Variants in TTC29 observed in about 807,000 individuals in gnomAD.
The protein encoded by TTC29 is tetratricopeptide repeat protein 29.
Under a neutral mutation model 58.1 loss-of-function variants are expected in TTC29, and 49 were observed. The ratio of observed to expected loss-of-function variants is 0.84; its 90% CI spans 0.67 to 1.07. TTC29 has a LOEUF of 1.07. Ranked by LOEUF, TTC29 falls within the 50% of genes least tolerant of loss-of-function variation. The pLI, the probability that TTC29 is intolerant of heterozygous loss-of-function variation, is 0.00. For missense variants in TTC29, 582 were observed against 555.6 expected (o/e 1.05, Z -0.48); for synonymous variants, 209 against 196.8 (o/e 1.06, Z -0.52).
At chr4:146,897,574 CA>C in intron 6 of TTC29, among the ~76,000 whole-genome samples, 1 of 152,328 alleles carries the variant, frequency 6.6e-6, no homozygotes, top group East Asian at 1.9e-4. Flanking sequence ...GATGTTACAT[CA>C]AATCATGAAT....
At chr4:146,770,537 T>G (rs1021288280) in intron 11 of TTC29, among the ~76,000 whole-genome samples, 8 of 151,918 alleles carry the variant, frequency 5.3e-5, no homozygotes, top group African/African-American at 1.9e-4. Flanking sequence ...TTAACAAAAA[T>G]ACACTCAACT....
chr4:146,732,782 G>A (rs1212524836), intron 11 of TTC29, among the ~76,000 whole-genome samples: 1 of 152,124 alleles, frequency 6.6e-6, no homozygotes, highest in Non-Finnish European at 1.5e-5. Flanking sequence ...GGAAGACAGT[G>A]AGGCAGATAA....
chr4:146,735,559 C>A (rs1432869516), intron 11 of TTC29, among the ~76,000 whole-genome samples: 3 of 152,096 alleles, frequency 2.0e-5, no homozygotes, highest in Non-Finnish European at 4.4e-5. Flanking sequence ...CAGTGTAAGT[C>A]TTTTTACCCT....
At chr4:146,755,076 G>T (rs757648542) in intron 11 of TTC29, among the ~76,000 whole-genome samples, 5 of 151,838 alleles carry the variant, frequency 3.3e-5, no homozygotes, top group Non-Finnish European at 7.4e-5. Flanking sequence ...CAATATCATA[G>T]GATTTCTATA....
intron 8 of TTC29, among the ~76,000 whole-genome samples, chr4:146,848,538 A>G (rs1429542658): frequency 1.3e-5 from 2 of 152,222 alleles, no homozygotes; most frequent in Non-Finnish European, 2.9e-5. Context: ...ATTCTTTGCA[A>G]CCAATGCCTT....
chr4:146,806,206 G>A (rs1036368068), intron 10 of TTC29, among the ~76,000 whole-genome samples: 5 of 152,148 alleles, frequency 3.3e-5, no homozygotes, highest in Admixed American at 3.3e-4. Context: ...TCACCAACAG[G>A]CCTGCCCTAC....
chr4:146,772,832 C>T (rs1747832938), intron 11 of TTC29, among the ~76,000 whole-genome samples: 1 of 152,064 alleles, frequency 6.6e-6, no homozygotes, highest in African/African-American at 2.4e-5. Flanking sequence ...ACCATTGTAA[C>T]AATATTGATT....
chr4:146,737,592 G>GGGGC, intron 11 of TTC29, among the ~76,000 whole-genome samples: 1 of 82,916 alleles, frequency 1.2e-5, no homozygotes, highest in South Asian at 3.8e-4. Flanking sequence ...AGTAGCCCTG[G>GGGGC]GGGGGGGGGG....
chr4:146,933,130 G>C (rs1322455346), intron 4 of TTC29, among the ~76,000 whole-genome samples: 1 of 151,878 alleles, frequency 6.6e-6, no homozygotes, highest in African/African-American at 2.4e-5. Context: ...ATATAGTAAT[G>C]AACAGTCCTA....
intron 2 of TTC29, chr4:146,942,817 G>A (rs1211349249): frequency 6.2e-6 from 3 of 480,014 alleles, no homozygotes; most frequent in Non-Finnish European, 1.1e-5. Context: ...GTGGGCACTG[G>A]GGCCAGGGTA....
intron 11 of TTC29, among the ~76,000 whole-genome samples, chr4:146,769,051 C>G (rs139699111): frequency 6.6e-6 from 1 of 152,082 alleles, no homozygotes; most frequent in Admixed American, 6.6e-5. Context: ...ATTCAATAAA[C>G]AGAAATTAAC....
chr4:146,922,751 A>G (rs1734678797), intron 4 of TTC29, among the ~76,000 whole-genome samples: 2 of 151,834 alleles, frequency 1.3e-5, no homozygotes, highest in South Asian at 4.1e-4. Context: ...ATTATTAGCC[A>G]TCATTATCTT....
chr4:146,821,142 C>T (rs1312756187), intron 9 of TTC29, among the ~76,000 whole-genome samples: 7 of 152,104 alleles, frequency 4.6e-5, no homozygotes, highest in South Asian at 2.1e-4. Context: ...CCCATTTATA[C>T]GACATGTCCA....
chr4:146,761,522 C>T (rs1267405605), intron 11 of TTC29, among the ~76,000 whole-genome samples: 1 of 151,904 alleles, frequency 6.6e-6, no homozygotes, highest in Non-Finnish European at 1.5e-5. Flanking sequence ...ACTTTGTACA[C>T]TGCATGCATA....
chr4:146,725,387 T>G (rs1267470192), intron 11 of TTC29, among the ~76,000 whole-genome samples: 1 of 151,964 alleles, frequency 6.6e-6, no homozygotes, highest in African/African-American at 2.4e-5. Flanking sequence ...TTTTAAAAAA[T>G]TAGCCAAATG....
chr4:146,737,574 C>T (rs1293043063), intron 11 of TTC29, among the ~76,000 whole-genome samples: 1 of 116,952 alleles, frequency 8.6e-6, no homozygotes, highest in African/African-American at 3.2e-5. Context: ...GCAAGTGAGG[C>T]TGATGCTAGT....
chr4:146,811,160 G>A (rs1301471268), intron 10 of TTC29, among the ~76,000 whole-genome samples: 1 of 152,124 alleles, frequency 6.6e-6, no homozygotes, highest in African/African-American at 2.4e-5. Context: ...TTGTTAGTCA[G>A]TGTCACCTCT....
intron 11 of TTC29, among the ~76,000 whole-genome samples, chr4:146,733,925 C>G (rs1421392881): frequency 1.3e-5 from 2 of 151,840 alleles, no homozygotes; most frequent in South Asian, 2.1e-4. Flanking sequence ...TAATTTGTAG[C>G]CAGAATAGCA....
At chr4:146,786,669 C>T (rs759543711) in intron 11 of TTC29, among the ~76,000 whole-genome samples, 10 of 152,080 alleles carry the variant, frequency 6.6e-5, no homozygotes, top group Non-Finnish European at 1.0e-4. Flanking sequence ...CTTTCTATTC[C>T]CTACTCAGAA....
Sources: gnomAD v4.1 joint callset for allele counts (sites outside exome capture counted in the v4.1 genomes callset) on GRCh38, gnomAD v4.1.1 for gene constraint, MANE v1.5 for transcripts, NCBI Gene and HGNC (gene_info 2026-07-23, HGNC 2026-07-21) for gene names.